Variants in CEP295 observed in about 807,000 individuals in gnomAD.
CEP295 encodes the protein centrosomal protein of 295 kDa.
A neutral mutation model predicts 291.6 loss-of-function variants in CEP295; 190 were observed. That is an observed-to-expected ratio of 0.65 (90% confidence interval 0.58 to 0.73). The LOEUF is 0.73. CEP295 is among the 30% of genes least tolerant of loss of function. The pLI, the probability that CEP295 is intolerant of heterozygous loss-of-function variation, is 0.00. For synonymous variants in CEP295, 993 were observed against 1,038.8 expected (o/e 0.96, Z 0.85); for missense variants, 2,863 against 2,949.4 (o/e 0.97, Z 0.68).
At chr11:93,720,862 G>C (rs1390348261) in intron 18 of CEP295, among the ~76,000 whole-genome samples, 1 of 152,148 alleles carries the variant, frequency 6.6e-6, no homozygotes, top group Non-Finnish European at 1.5e-5. Flanking sequence ...CTCCCAAAGT[G>C]CTATGATTAC....
In CEP295 at chr11:93,728,838, C is replaced by T. The variant is rs759410383; in HGVS notation, c.7302+17C>T. Reference sequence around the variant, plus strand: ...TTCTTTCAGGTAAATTTAAGCTTTCCTTCTATTTTATTCTATTACAAGCAA... The same window carrying T: ...TTCTTTCAGGTAAATTTAAGCTTTCTTTCTATTTTATTCTATTACAAGCAA... On this transcript the variant is annotated intron_variant, in intron 25 of 29. Transcript: ENST00000325212. 57 of 1,529,190 alleles carry T rather than the reference C, an allele frequency of 3.7e-5. No individual in the cohort carries two copies. The highest frequency in any genetic ancestry group is 1.8e-4 in the Middle Eastern group (1 of 5,528). 94.7% of individuals were successfully genotyped at this position (1,529,190 alleles called of 1,614,324 possible).
chr11:93,703,666 T>C (rs1952322766), intron 17 of CEP295, among the ~76,000 whole-genome samples: 1 of 151,916 alleles, frequency 6.6e-6, no homozygotes, highest in Non-Finnish European at 1.5e-5. Flanking sequence ...ATTATTATGC[T>C]TAAATCCTGG....
At chr11:93,717,354 T>G (rs1005333560) in intron 18 of CEP295, among the ~76,000 whole-genome samples, 1 of 152,214 alleles carries the variant, frequency 6.6e-6, no homozygotes. Context: ...CACCTATAGT[T>G]GAACAAAGCT....
chr11:93,666,650 AT>A (rs147281645), intron 1 of CEP295, 31 bp from the exon 2 acceptor site: 249 of 823,794 alleles, frequency 3.0e-4, no homozygotes, highest in Non-Finnish European at 3.5e-4. Flanking sequence ...ATGTTACATT[AT>A]TTTTATAGAC....
intron 2 of CEP295, 37 bp downstream of exon 2, chr11:93,666,852 C>A: frequency 8.9e-7 from 1 of 1,128,018 alleles, no homozygotes; most frequent in Non-Finnish European, 1.3e-6. Context: ...AAATTCCTTT[C>A]TTCCTCAAAT....
At position 93,667,951 on chromosome 11, in the gene CEP295, A is replaced by T. The variant is rs1950263008; in HGVS notation, c.309+144A>T. ...TGAACTTTTTTATAAATTTAATGTA[A>T]TTTGTGAATAATAGGCTCATTTCTT... On this transcript the variant is annotated intron_variant, in intron 3 of 29. Coordinates refer to ENST00000325212, the MANE Select transcript of CEP295 (RefSeq NM_033395.2). 4.9e-6 allele frequency: 3 copies of T among 614,992 alleles called. No individual in the cohort carries two copies. The South Asian group carries it at 6.5e-5, about 13-fold the overall frequency. 38.1% of individuals were successfully genotyped at this position (614,992 alleles called of 1,614,324 possible).
At chr11:93,682,944 T>G (rs755444919) in intron 7 of CEP295, among the ~76,000 whole-genome samples, 6 of 152,218 alleles carry the variant, frequency 3.9e-5, no homozygotes, top group Non-Finnish European at 7.3e-5. Flanking sequence ...TCTTGCCTTG[T>G]TCTCCCTCCT....
In CEP295 at chr11:93,728,795, G is replaced by C; in HGVS notation, c.7276G>C (p.Glu2426Gln). The C allele has an allele frequency of 6.5e-7, 1 of 1,546,864 alleles. No homozygotes were observed. Among genetic ancestry groups the C allele is most frequent in the Non-Finnish European group, 8.7e-7 (1 of 1,145,848 alleles). ...AAATTTAACCCTAGAAGAGAAGAGC[G>C]AGAATGAAGCAAAATGCTTCTTTCA... ...FANLTLEEKS[E>Q]NEAKCFFQVS... The change falls in exon 25 of 30, where the codon GAG becomes CAG. Residue 2426 changes from glutamate (E) to glutamine (Q), a missense_variant. Physicochemically the swap from Glu to Gln is conservative, Grantham distance 29 (BLOSUM62 2). Transcript: ENST00000325212.
At position 93,670,454 on chromosome 11, in the gene CEP295, G is replaced by C. The variant is rs556726571; in HGVS notation, c.528+684G>C. On this transcript the variant is annotated intron_variant, in intron 5 of 29. Coordinates refer to ENST00000325212, the MANE Select transcript of CEP295 (RefSeq NM_033395.2). ...AAATACTTGTTCTCCACATTAGCTT[G>C]TTATAGTTATTGAAATGGCTATTTG... is the stretch of plus-strand genomic sequence containing the variant. Among the ~76,000 whole-genome samples the C allele has an allele frequency of 1.9e-4, 29 of 152,236 alleles. No homozygotes were observed. The South Asian group carries it at 6.0e-3, about 32-fold the overall frequency.
Position 93,702,531 on chromosome 11 carries a change from T to A in CEP295, c.5346T>A (p.Asn1782Lys). 1 of 1,550,926 alleles carries A rather than the reference T, an allele frequency of 6.4e-7. No individual in the cohort carries two copies. Among genetic ancestry groups the A allele is most frequent in the Non-Finnish European group, 8.7e-7 (1 of 1,146,688 alleles). The change falls in exon 16 of 30, where the codon AAT (asparagine) becomes AAA (lysine). Residue 1782 changes from asparagine (N) to lysine (K), a missense_variant. Asn to Lys is a moderately conservative substitution (Grantham distance 94). Around this residue, in one of 3 missense-constraint regions of CEP295, gnomAD observed 2,295 missense variants for 2,335.7 expected, o/e 0.98. Transcript: ENST00000325212. Reference protein sequence around the residue: ...KMGQLRDWFPNTQDLAGNDQE... With the variant: ...KMGQLRDWFPKTQDLAGNDQE... ...GGCAGCTCAGAGACTGGTTTCCTAATACACAAGACCTAGCAGGAAATGATC... is the reference window on the plus strand; with the variant it reads ...GGCAGCTCAGAGACTGGTTTCCTAAAACACAAGACCTAGCAGGAAATGATC...
intron 25 of CEP295, 100 bp downstream of exon 25, chr11:93,728,921 T>C (rs1591181349): frequency 9.1e-7 from 1 of 1,103,702 alleles, no homozygotes; most frequent in East Asian, 2.7e-5. Context: ...GGAATTATGC[T>C]ATGCATTTAA....
intron 22 of CEP295, 48 bp from the exon 23 acceptor site, chr11:93,725,603 G>T (rs1226476579): frequency 1.4e-6 from 2 of 1,395,290 alleles, no homozygotes; most frequent in Non-Finnish European, 1.9e-6. Context: ...TGTTTCAATT[G>T]TTAATACCTA....
chr11:93,684,045 A>G lies in CEP295; in HGVS notation c.1031A>G (p.Asp344Gly), dbSNP rs1373745280. The change falls in exon 9 of 30, where the codon GAC (aspartate) becomes GGC (glycine). Residue 344 changes from aspartate to glycine, a missense_variant. Asp to Gly is a moderately conservative substitution (Grantham distance 94, BLOSUM62 -1). Transcript: ENST00000325212. Reference sequence around the variant, plus strand: ...AATCAGATCCAAGATGAAGAGCTGGACCTTTCAATGGAACAAGAAAATTTG... The same window carrying G: ...AATCAGATCCAAGATGAAGAGCTGGGCCTTTCAATGGAACAAGAAAATTTG... ...VTNQIQDEELDLSMEQENLGA... is the reference protein window; with the variant it reads ...VTNQIQDEELGLSMEQENLGA... 5.2e-6 allele frequency: 8 copies of G among 1,551,628 alleles called. No homozygotes were observed. The Admixed American group carries it at 1.4e-4, about 27-fold the overall frequency.
Position 93,727,051 on chromosome 11 carries a change from G to A in CEP295, c.6575G>A (p.Ser2192Asn). The change falls in exon 24 of 30, where the codon AGT (serine) becomes AAT (asparagine). Residue 2192 changes from serine to asparagine, a missense_variant. By Grantham distance (46) the Ser-to-Asn change is conservative. Coordinates refer to ENST00000325212, the MANE Select transcript of CEP295 (RefSeq NM_033395.2). The stretch of plus-strand genomic sequence containing the variant: ...GAGAGCCAGCATGCTGATCTACCAA[G>A]TATTTTTAGCATTGAAGCAAGAGAT... ...QEESQHADLPSIFSIEARDSS... is the reference protein window; with the variant it reads ...QEESQHADLPNIFSIEARDSS... 6.4e-7 allele frequency: 1 copy of A among 1,551,800 alleles called. No homozygotes were observed. The highest frequency in any genetic ancestry group is 2.0e-5 in the Admixed American group (1 of 50,964).
At chr11:93,662,026 G>C (rs1950012925) in intron 1 of CEP295, among the ~76,000 whole-genome samples, 1 of 152,186 alleles carries the variant, frequency 6.6e-6, no homozygotes, top group South Asian at 2.1e-4. Context: ...CCTGGGGTCG[G>C]GTCGCGCGAG....
At chr11:93,717,948 A>G (rs1445567016) in intron 18 of CEP295, among the ~76,000 whole-genome samples, 4 of 152,160 alleles carry the variant, frequency 2.6e-5, no homozygotes, top group African/African-American at 9.7e-5. Context: ...GTCTTGCTCT[A>G]TCACCTAGGC....
chr11:93,698,913 A>C lies in CEP295; in HGVS notation c.4001A>C (p.Gln1334Pro). 6.4e-7 allele frequency: 1 copy of C among 1,551,688 alleles called. No individual in the cohort carries two copies. Among genetic ancestry groups the C allele is most frequent in the Non-Finnish European group, 8.7e-7 (1 of 1,146,986 alleles). ...AGCCACCTTCAGATCCCACAATTGC[A>C]GGATAGGCTTTTGAGGATATCGCAA... is the stretch of plus-strand genomic sequence containing the variant. Reference protein sequence around the residue: ...FSSHLQIPQLQDRLLRISQLI... With the variant: ...FSSHLQIPQLPDRLLRISQLI... The change falls in exon 15 of 30, where the codon CAG becomes CCG. Residue 1334 changes from glutamine to proline, a missense_variant. Transcript: ENST00000325212.
In CEP295 at chr11:93,724,240, C is replaced by T. The variant is rs1429988727; in HGVS notation, c.6197-14C>T. ...TTCCCTCAAAAATTCTAACAGTTGA[C>T]CTTGACTTTCCAGAATTGGAACACA... On this transcript the variant is annotated splice_polypyrimidine_tract_variant and intron_variant, in intron 21 of 29. Transcript: ENST00000325212. 1.9e-6 allele frequency: 3 copies of T among 1,542,602 alleles called. No individual in the cohort carries two copies. Among genetic ancestry groups the T allele is most frequent in the South Asian group, 1.2e-5 (1 of 81,352 alleles).
At chr11:93,718,556 A>C (rs1953440643) in intron 18 of CEP295, among the ~76,000 whole-genome samples, 1 of 151,938 alleles carries the variant, frequency 6.6e-6, no homozygotes, top group African/African-American at 2.4e-5. Context: ...TTTATTTTTC[A>C]CTTCTTACTA....
Sources: allele counts gnomAD v4.1 joint callset (sites outside exome capture counted in the v4.1 genomes callset), GRCh38; gene constraint gnomAD v4.1.1; regional missense constraint gnomAD v4.1.1; transcripts MANE v1.5; gene names NCBI Gene and HGNC (gene_info 2026-07-23, HGNC 2026-07-21).